The following HERPUD1 variants were observed in gnomAD, a reference collection of about 807,000 sequenced individuals.
HERPUD1 encodes the protein homocysteine-responsive endoplasmic reticulum-resident ubiquitin-like domain member 1 protein.
In HERPUD1, 17 loss-of-function variants were observed where a neutral mutation model predicts 45.0. The ratio of observed to expected loss-of-function variants is 0.38; its 90% CI spans 0.26 to 0.57. The LOEUF is 0.57. Among genes scored for constraint, HERPUD1 ranks in the 20% least tolerant of loss-of-function variants. The pLI is 0.72. For missense variants in HERPUD1, 420 were observed against 490.5 expected (o/e 0.86, Z 1.36); for synonymous variants, 164 against 177.5 (o/e 0.92, Z 0.61).
intron 4 of HERPUD1, 115 bp downstream of exon 4, chr16:56,936,932 T>G: frequency 8.4e-7 from 1 of 1,190,288 alleles, no homozygotes; most frequent in Non-Finnish European, 1.1e-6. Flanking sequence ...ACATACAGAA[T>G]TTTGCTTTAT....
chr16:56,942,279 AT>A, intron 7 of HERPUD1, 42 bp downstream of exon 7: 1 of 1,320,920 alleles, frequency 7.6e-7, no homozygotes, highest in Non-Finnish European at 1.1e-6. Flanking sequence ...TTGACGTGAT[AT>A]GCCAGGCTCT....
rs375925595 is a variant in HERPUD1 at position 56,939,408 on chromosome 16, A to C, written c.554+49A>C. On this transcript the variant is annotated intron_variant, in intron 5 of 7. Coordinates refer to ENST00000439977, the MANE Select transcript of HERPUD1 (RefSeq NM_014685.4). ...GTGTGGCCAGGGCTCCCGGGAATTGAAGGGAATTTTATCCATGTTACCTGT... is the reference window on the plus strand; with the variant it reads ...GTGTGGCCAGGGCTCCCGGGAATTGCAGGGAATTTTATCCATGTTACCTGT... 3 of 1,610,740 alleles carry C rather than the reference A, an allele frequency of 1.9e-6. No homozygotes were observed. In the African/African-American group the frequency reaches 4.0e-5, roughly 22 times the overall value.
intron 4 of HERPUD1, among the ~76,000 whole-genome samples, chr16:56,937,633 G>A (rs1169907481): frequency 1.3e-5 from 2 of 150,962 alleles, no homozygotes; most frequent in South Asian, 2.1e-4. Flanking sequence ...TTTAAAAAAA[G>A]AGTATTTAAA....
At chr16:56,939,431 T>G in intron 5 of HERPUD1, 72 bp downstream of exon 5, 1 of 1,582,534 alleles carries the variant, frequency 6.3e-7, no homozygotes, top group Non-Finnish European at 8.7e-7. Context: ...CCATGTTACC[T>G]GTAAAGTTCA....
At chr16:56,934,185 G>C (rs1239037254) in intron 1 of HERPUD1, among the ~76,000 whole-genome samples, 4 of 152,184 alleles carry the variant, frequency 2.6e-5, no homozygotes, top group Admixed American at 2.0e-4. Flanking sequence ...ATCTCCAATA[G>C]ACAGATTATA....
At position 56,935,243 on chromosome 16, in the gene HERPUD1, G is replaced by C. The variant is rs765760185; in HGVS notation, c.156G>C (p.Glu52Asp). 6.2e-7 allele frequency: 1 copy of C among 1,612,898 alleles called. No individual in the cohort carries two copies. Among genetic ancestry groups the C allele is most frequent in the East Asian group, 2.2e-5 (1 of 44,878 alleles). The change falls in exon 2 of 8, where the codon GAG becomes GAC. Residue 52 changes from glutamate (E) to aspartate (D), a missense_variant. By Grantham distance (45) the Glu-to-Asp change is conservative. Transcript: ENST00000439977. ...SRVYPERPRPEDQRLIYSGKL... is the reference protein window; with the variant it reads ...SRVYPERPRPDDQRLIYSGKL... ...TTTCTTTCCATGATCAGCGTCCAGA[G>C]GACCAGAGGTTAATTTATTCTGGGA...
At chr16:56,935,879 A>C (rs1488016176) in intron 3 of HERPUD1, 2 of 162,382 alleles carry the variant, frequency 1.2e-5, no homozygotes, top group African/African-American at 4.8e-5. Flanking sequence ...CATTGTGATT[A>C]GTTGGATAGG....
At chr16:56,933,353 A>G (rs552577354) in intron 1 of HERPUD1, 3 of 455,970 alleles carry the variant, frequency 6.6e-6, no homozygotes, top group Admixed American at 2.3e-5. Flanking sequence ...TGAAATTTGC[A>G]TATTTATTTA....
chr16:56,944,453 T>G lies in HERPUD1; in HGVS notation c.*1163T>G, dbSNP rs2055935610. The G allele has an allele frequency of 6.7e-6, 1 of 150,310 alleles. No homozygotes were observed. The highest frequency in any genetic ancestry group is 2.5e-5 in the African/African-American group (1 of 39,910). 9.3% of individuals were successfully genotyped at this position (150,310 alleles called of 1,614,324 possible). On this transcript the variant is annotated 3_prime_UTR_variant, in exon 8 of 8. Transcript: ENST00000439977. ...ACTGTGGTAACTAATCATTTTTTTGTTTTTTTTGGTGGTGTTTTTGTTTTT... is the reference window on the plus strand; with the variant it reads ...ACTGTGGTAACTAATCATTTTTTTGGTTTTTTTGGTGGTGTTTTTGTTTTT...
intron 1 of HERPUD1, 169 bp from the exon 2 acceptor site, chr16:56,935,066 C>T (rs569559652): frequency 1.7e-6 from 1 of 597,010 alleles, no homozygotes; most frequent in East Asian, 2.8e-5. Flanking sequence ...AAAGTTAAGA[C>T]ACTTTCTAAA....
Position 56,943,288 on chromosome 16 carries a change from T to C in HERPUD1, c.1174T>C (p.Ter392ArgextTer11). 2 of 1,614,056 alleles carry C rather than the reference T, an allele frequency of 1.2e-6. No individual in the cohort carries two copies. The highest frequency in any genetic ancestry group is 1.7e-6 in the Non-Finnish European group (2 of 1,180,020). Residue 392 changes from the stop codon to arginine, a stop_lost, in exon 8 of 8, where the codon TGA (stop) becomes CGA (arginine). Transcript: ENST00000439977. The stretch of plus-strand genomic sequence containing the variant: ...AGAAGGCCCCCCAGCCATCGCAAAC[T>C]GATGGTGTTTGTGCTGTAGCTGTTG... ...LPEGPPAIAN* is the reference protein window; with the variant it reads ...LPEGPPAIANR
At chr16:56,935,334 T>G (rs199619259) in intron 2 of HERPUD1, 22 bp downstream of exon 2, 14 of 1,610,708 alleles carry the variant, frequency 8.7e-6, no homozygotes, top group Non-Finnish European at 1.2e-5. Flanking sequence ...ACACATTAAC[T>G]TCTGAATGTT....
chr16:56,941,146 C>T (rs575089113), intron 6 of HERPUD1: 1 of 137,068 alleles, frequency 7.3e-6, no homozygotes, highest in African/African-American at 2.8e-5. Flanking sequence ...AGGCATGGAA[C>T]AGAAAACTGT....
At chr16:56,937,157 G>C (rs2055873338) in intron 4 of HERPUD1, 1 of 170,754 alleles carries the variant, frequency 5.9e-6, no homozygotes, top group Admixed American at 6.2e-5. Context: ...GCATTGTGCA[G>C]CTGCTTTGCT....
intron 7 of HERPUD1, among the ~76,000 whole-genome samples, 176 bp from the exon 8 acceptor site, chr16:56,942,950 A>C (rs1212996259): frequency 6.6e-6 from 1 of 152,174 alleles, no homozygotes; most frequent in Admixed American, 6.5e-5. Flanking sequence ...TGGAAGCCTG[A>C]GAAACAGCCC....
chr16:56,940,097 A>G lies in HERPUD1; in HGVS notation c.757A>G (p.Ile253Val), dbSNP rs754830214. The change falls in exon 6 of 8, where the codon ATT (isoleucine) becomes GTT (valine). Residue 253 changes from isoleucine to valine, a missense_variant. Physicochemically the swap from Ile to Val is conservative, Grantham distance 29. Transcript: ENST00000439977. Reference sequence around the variant, plus strand: ...GCGGATGAATGCACAAGGTGGCCCTATTGTGGAAGAAGATGATGAAATAAA... The same window carrying G: ...GCGGATGAATGCACAAGGTGGCCCTGTTGTGGAAGAAGATGATGAAATAAA... ...NLRMNAQGGP[I>V]VEEDDEINRD... 4.3e-6 allele frequency: 7 copies of G among 1,614,098 alleles called. No homozygotes were observed. The highest frequency in any genetic ancestry group is 5.9e-6 in the Non-Finnish European group (7 of 1,180,046).
chr16:56,932,150 G>A lies in HERPUD1; in HGVS notation c.-95G>A, dbSNP rs773867032. The stretch of plus-strand genomic sequence containing the variant: ...CCGAAGCGGGGGCGCGCGCCCCAGA[G>A]ACGTGAACTGTCGTTGCAGAGATTG... On this transcript the variant is annotated 5_prime_UTR_variant, in exon 1 of 8. Transcript: ENST00000439977. 3.9e-6 allele frequency: 6 copies of A among 1,545,864 alleles called. No homozygotes were observed. Among genetic ancestry groups the A allele is most frequent in the South Asian group, 3.5e-5 (3 of 85,148 alleles).
rs1239301587 is a variant in HERPUD1, at chr16:56,932,510, C to T, written c.147+119C>T. ...CCGCTGACGGCTGCGATCGCTCGGCCGGTCACCTCCCCCAGGGCTGTGGTC... is the reference window on the plus strand; with the variant it reads ...CCGCTGACGGCTGCGATCGCTCGGCTGGTCACCTCCCCCAGGGCTGTGGTC... On this transcript the variant is annotated intron_variant, in intron 1 of 7. Transcript: ENST00000439977. The T allele has an allele frequency of 2.1e-5, 20 of 940,148 alleles. No individual in the cohort carries two copies. In the East Asian group the frequency reaches 4.6e-4, roughly 22 times the overall value. 58.2% of individuals were successfully genotyped at this position (940,148 alleles called of 1,614,324 possible).
chr16:56,933,627 A>G (rs575701575), intron 1 of HERPUD1, among the ~76,000 whole-genome samples: 37 of 152,352 alleles, frequency 2.4e-4, no homozygotes, highest in Non-Finnish European at 1.3e-4. Flanking sequence ...AATACCTCTC[A>G]GGTATACAAA....
Sources: gnomAD v4.1 joint callset for allele counts (sites outside exome capture counted in the v4.1 genomes callset) on GRCh38, gnomAD v4.1.1 for gene constraint, MANE v1.5 for transcripts, NCBI Gene and HGNC (gene_info 2026-07-23, HGNC 2026-07-21) for gene names.